The following PAPPA2 variants were observed in gnomAD, a reference collection of about 807,000 sequenced individuals.
PAPPA2 encodes pappalysin 2, also known as pappalysin-2.
PAPPA2 carries 86 observed loss-of-function variants against 176.4 expected under a neutral mutation model. That is an observed-to-expected ratio of 0.49 (90% CI 0.41 to 0.58). The LOEUF (loss-of-function observed/expected upper bound fraction) is 0.58, where lower values mean the gene tolerates loss of function less well. PAPPA2 is among the 20% of genes least tolerant of loss of function. The pLI is 0.00. For missense variants in PAPPA2, 2,073 were observed against 2,256.9 expected, an observed-to-expected ratio of 0.92 and a Z score of 1.65; for synonymous variants, 809 against 852.2, an observed-to-expected ratio of 0.95 and a Z score of 0.88.
At chr1:176,600,985 CTT>C (rs1654287813) in intron 3 of PAPPA2, among the ~76,000 whole-genome samples, 2 of 152,020 alleles carry the variant, frequency 1.3e-5, no homozygotes, top group African/African-American at 2.4e-5. Context: ...TCCCAAAGTT[CTT>C]ATTTCCTGCT....
chr1:176,692,219 A>G lies in PAPPA2; in HGVS notation c.2525A>G (p.Lys842Arg). The G allele has an allele frequency of 6.2e-7, 1 of 1,614,066 alleles. No individual in the cohort carries two copies. Among genetic ancestry groups the G allele is most frequent in the African/African-American group, 1.3e-5 (1 of 75,028 alleles). The stretch of plus-strand genomic sequence containing the variant: ...TATCAGCAGTGGACTGAAAGCAGAA[A>G]GCCCACCCCCATCCCCATTCCACCT... ...LVYQQWTESR[K>R]PTPIPIPPMV... Residue 842 changes from lysine (K) to arginine (R), a missense_variant, in exon 6 of 23, where the codon AAG (lysine) becomes AGG (arginine). Lys to Arg is a conservative substitution (Grantham distance 26). Coordinates refer to ENST00000367662, the MANE Select transcript of PAPPA2 (RefSeq NM_020318.3).
intron 17 of PAPPA2, among the ~76,000 whole-genome samples, chr1:176,774,726 A>G (rs1325599): frequency 0.41 from 62,874 of 152,008 alleles, 14,403 homozygotes; most frequent in African/African-American, 0.6. Context: ...TTATTTCCCC[A>G]CATGAAAATG....
intron 6 of PAPPA2, among the ~76,000 whole-genome samples, chr1:176,694,334 C>G (rs1215065733): frequency 6.6e-6 from 1 of 152,180 alleles, no homozygotes. Context: ...GGAACTTGCT[C>G]AAAGGAATTA....
intron 17 of PAPPA2, among the ~76,000 whole-genome samples, chr1:176,784,105 T>G (rs1009594470): frequency 1.3e-5 from 2 of 152,328 alleles, no homozygotes; most frequent in East Asian, 1.9e-4. Flanking sequence ...ATTTCCTGCC[T>G]ACAAATGAGG....
chr1:176,645,483 A>G (rs920489641), intron 3 of PAPPA2, among the ~76,000 whole-genome samples: 4 of 151,760 alleles, frequency 2.6e-5, no homozygotes, highest in African/African-American at 9.7e-5. Flanking sequence ...TTTCTTATCC[A>G]TTCATCCTTT....
At chr1:176,650,695 G>A (rs1657668596) in intron 3 of PAPPA2, among the ~76,000 whole-genome samples, 1 of 151,542 alleles carries the variant, frequency 6.6e-6, no homozygotes, top group Non-Finnish European at 1.5e-5. Context: ...GTAGAATTGA[G>A]TTGTTTATAT....
At chr1:176,838,536 A>G (rs1200110367) in intron 21 of PAPPA2, among the ~76,000 whole-genome samples, 1 of 152,198 alleles carries the variant, frequency 6.6e-6, no homozygotes, top group African/African-American at 2.4e-5. Context: ...GAAACTCCGT[A>G]GATGTATCCA....
intron 14 of PAPPA2, among the ~76,000 whole-genome samples, chr1:176,755,166 A>G (rs1421529318): frequency 6.6e-6 from 1 of 152,184 alleles, no homozygotes; most frequent in South Asian, 2.1e-4. Flanking sequence ...AGAAGATGAC[A>G]GAGTCAACAT....
chr1:176,653,720 T>C (rs1657876364), intron 3 of PAPPA2, among the ~76,000 whole-genome samples: 2 of 151,882 alleles, frequency 1.3e-5, no homozygotes, highest in South Asian at 4.1e-4. Context: ...CTTTTCTTCC[T>C]TATACCCCAC....
intron 4 of PAPPA2, among the ~76,000 whole-genome samples, chr1:176,688,142 G>A (rs1659935531): frequency 6.6e-6 from 1 of 152,164 alleles, no homozygotes; most frequent in Admixed American, 6.5e-5. Flanking sequence ...TTTTATTTAA[G>A]CCAAAACTTA....
At chr1:176,690,782 C>T in intron 5 of PAPPA2, 1 of 1,072,122 alleles carries the variant, frequency 9.3e-7, no homozygotes, top group Non-Finnish European at 1.1e-6. Flanking sequence ...GACATTTACT[C>T]TGAAGAAGAG....
At chr1:176,480,361 C>T (rs560200862) in intron 1 of PAPPA2, among the ~76,000 whole-genome samples, 1 of 152,272 alleles carries the variant, frequency 6.6e-6, no homozygotes, top group South Asian at 2.1e-4. Context: ...GGCAGGCTGA[C>T]CTGGAATGAG....
chr1:176,828,723 G>A (rs1282163451), intron 21 of PAPPA2, among the ~76,000 whole-genome samples: 4 of 152,174 alleles, frequency 2.6e-5, no homozygotes, highest in South Asian at 2.1e-4. Context: ...CTAACAAAAG[G>A]CCGGGCGTGG....
At chr1:176,752,891 T>C (rs1345816163) in intron 14 of PAPPA2, among the ~76,000 whole-genome samples, 1 of 152,204 alleles carries the variant, frequency 6.6e-6, no homozygotes, top group African/African-American at 2.4e-5. Context: ...AAGCTATTCT[T>C]GAGAAGGTCG....
chr1:176,620,430 TTC>T (rs1655519640), intron 3 of PAPPA2, among the ~76,000 whole-genome samples: 1 of 152,164 alleles, frequency 6.6e-6, no homozygotes, highest in Admixed American at 6.5e-5. Flanking sequence ...GAAAATTGAT[TTC>T]TGAGTTTCCT....
chr1:176,811,999 C>G (rs1330532854), intron 21 of PAPPA2, among the ~76,000 whole-genome samples: 2 of 151,970 alleles, frequency 1.3e-5, no homozygotes, highest in African/African-American at 4.8e-5. Context: ...AGATTAACAA[C>G]ATTCGTGAGA....
intron 21 of PAPPA2, among the ~76,000 whole-genome samples, chr1:176,803,499 A>T (rs775816573): frequency 6.6e-6 from 1 of 152,172 alleles, no homozygotes; most frequent in Non-Finnish European, 1.5e-5. Context: ...ACCAACTGAG[A>T]TCCATAATTC....
chr1:176,827,254 G>A (rs1200350782), intron 21 of PAPPA2, among the ~76,000 whole-genome samples: 1 of 151,954 alleles, frequency 6.6e-6, no homozygotes, highest in Non-Finnish European at 1.5e-5. Flanking sequence ...TCAAAACACA[G>A]CTTTTATCAT....
At chr1:176,619,367 G>C (rs896975025) in intron 3 of PAPPA2, among the ~76,000 whole-genome samples, 3 of 152,210 alleles carry the variant, frequency 2.0e-5, no homozygotes, top group Non-Finnish European at 4.4e-5. Flanking sequence ...TGTTCTGTAT[G>C]TCAGAGAAAG....
Sources: allele counts gnomAD v4.1 joint callset (sites outside exome capture counted in the v4.1 genomes callset), GRCh38; gene constraint gnomAD v4.1.1; transcripts MANE v1.5; gene names NCBI Gene and HGNC (gene_info 2026-07-23, HGNC 2026-07-21).